KCTD1: variants seen among roughly 807,000 people sequenced by gnomAD.
KCTD1 encodes BTB/POZ domain-containing protein KCTD1.
KCTD1 carries 24 observed loss-of-function variants against 66.0 expected under a neutral mutation model. That is an observed-to-expected ratio of 0.36 (90% CI 0.26 to 0.51). The LOEUF is 0.51. Among genes scored for constraint, KCTD1 ranks in the 20% least tolerant of loss-of-function variants. The probability of loss-of-function intolerance (pLI) is 0.95; values close to 1 mark genes in which losing one functional copy is unlikely to be tolerated. For missense variants in KCTD1, 943 were observed against 1,205.2 expected (o/e 0.78, Z 3.22); for synonymous variants, 511 against 517.2 (o/e 0.99, Z 0.16).
At chr18:26,548,946 G>A (rs887396184), upstream of KCTD1, 11 of 986,774 alleles carry the variant, frequency 1.1e-5, no homozygotes, top group Non-Finnish European at 1.3e-5. Context: ...CCGGCGAGAG[G>A]GCGGGACGGT....
rs1440986268 is a variant in KCTD1 at position 26,476,950 on chromosome 18, A to T, written c.1989-291T>A. 2.5e-5 allele frequency: 7 copies of T among 280,492 alleles called. No homozygotes were observed. The highest frequency in any genetic ancestry group is 4.6e-5 in the Non-Finnish European group (7 of 152,684). The allele number at this position is 280,492 out of a possible 1,614,324, so 17.4% of individuals were successfully genotyped here. On this transcript the variant is annotated intron_variant, in intron 2 of 4. Coordinates refer to ENST00000580059, the MANE Select transcript of KCTD1 (RefSeq NM_001142730.3). This position sits in a 1 kb window ranked among gnomAD's most constrained non-coding sequence, Gnocchi z 4.9. Reference sequence around the variant, plus strand: ...CTAAGTGCTGTCACTGTAATGGAAGATCACATCTTTCCCCGTGTTACTTAA... The same window carrying T: ...CTAAGTGCTGTCACTGTAATGGAAGTTCACATCTTTCCCCGTGTTACTTAA...
intron 1 of KCTD1, among the ~76,000 whole-genome samples, chr18:26,651,933 T>A (rs937501810): frequency 1.3e-5 from 2 of 151,796 alleles, no homozygotes; most frequent in African/African-American, 4.8e-5. Flanking sequence ...CAGAACAAGA[T>A]GGGTGCAGAA....
intron 1 of KCTD1, among the ~76,000 whole-genome samples, chr18:26,514,150 A>G (rs1410464136): frequency 1.3e-5 from 2 of 152,248 alleles, no homozygotes; most frequent in Non-Finnish European, 1.5e-5. Flanking sequence ...AATTTGTCTC[A>G]ATGATATAAA....
chr18:26,461,310 T>C (rs1441861045), intron 3 of KCTD1, among the ~76,000 whole-genome samples: 2 of 152,166 alleles, frequency 1.3e-5, no homozygotes, highest in African/African-American at 2.4e-5. Context: ...TCAGATCAGG[T>C]AGAAGATGCT....
intron 1 of KCTD1, among the ~76,000 whole-genome samples, chr18:26,621,831 A>C (rs1987393199): frequency 6.6e-6 from 1 of 152,182 alleles, no homozygotes; most frequent in African/African-American, 2.4e-5. Flanking sequence ...ATAGGTACAA[A>C]ATATGCATTT....
intron 1 of KCTD1, among the ~76,000 whole-genome samples, chr18:26,541,799 C>T (rs976432720): frequency 9.2e-5 from 14 of 152,066 alleles, no homozygotes; most frequent in African/African-American, 3.4e-4. Context: ...TAGTGTATCT[C>T]GAACAGCTGA....
At chr18:26,593,469 GAGA>G (rs796140882) in intron 1 of KCTD1, among the ~76,000 whole-genome samples, 4 of 141,952 alleles carry the variant, frequency 2.8e-5, no homozygotes, top group East Asian at 2.2e-4. Context: ...GGAAGACAAG[GAGA>G]AGGAGGAGGA....
Sources: gnomAD v4.1 joint callset for allele counts (sites outside exome capture counted in the v4.1 genomes callset) on GRCh38, gnomAD v4.1.1 for gene constraint, Gnocchi (gnomAD v3.1) non-coding constraint, MANE v1.5 for transcripts, NCBI Gene and HGNC (gene_info 2026-07-23, HGNC 2026-07-21) for gene names.